Variants in DNM2 observed in about 807,000 individuals in gnomAD.
DNM2 encodes dynamin-2.
Under a neutral mutation model 99.0 loss-of-function variants are expected in DNM2, and 15 were observed. The ratio of observed to expected loss-of-function variants is 0.15; its 90% CI spans 0.10 to 0.23. The LOEUF (loss-of-function observed/expected upper bound fraction) is 0.23. Ranked by LOEUF, DNM2 falls within the 10% of genes least tolerant of loss-of-function variation. The pLI, the probability that DNM2 is intolerant of heterozygous loss-of-function variation, is 1.00. For missense variants in DNM2, 742 were observed against 1,189.4 expected (o/e 0.62, Z 5.53); for synonymous variants, 525 against 481.2 (o/e 1.09, Z -1.19).
intron 11 of DNM2, among the ~76,000 whole-genome samples, chr19:10,799,304 G>A (rs2072048470): frequency 2.0e-5 from 3 of 152,100 alleles, no homozygotes; most frequent in African/African-American, 7.2e-5. Flanking sequence ...TCCTTCAAGT[G>A]GACTCCCACA....
chr19:10,780,552 C>T (rs909979443), intron 5 of DNM2, among the ~76,000 whole-genome samples: 30 of 152,122 alleles, frequency 2.0e-4, no homozygotes, highest in Non-Finnish European at 1.3e-4. Flanking sequence ...GGCCTGCTCC[C>T]GTTTTGTGAC....
intron 1 of DNM2, 28 bp downstream of exon 1, chr19:10,718,431 C>A (rs574562384): frequency 1.4e-6 from 2 of 1,419,640 alleles, no homozygotes; most frequent in African/African-American, 2.9e-5. Flanking sequence ...GGATCGCGGG[C>A]GGGTGGCGGC....
rs750057493 is a variant in DNM2 at position 10,811,793 on chromosome 19, G to C, written c.1558-471G>C. The C allele has an allele frequency of 9.6e-6, 5 of 518,266 alleles. No individual in the cohort carries two copies. The highest frequency in any genetic ancestry group is 4.2e-5 in the South Asian group (3 of 71,426). The allele number at this position is 518,266 out of a possible 1,614,324, so 32.1% of individuals were successfully genotyped here. A position where few individuals can be genotyped will look rare whatever the true frequency, so the allele number is the denominator to read the frequency against. Reference sequence around the variant, plus strand: ...TGTCAGTCAAAAGGATGACCACCAGGCTTGCAGCCAGCTTGGGACATGAGC... The same window carrying C: ...TGTCAGTCAAAAGGATGACCACCAGCCTTGCAGCCAGCTTGGGACATGAGC... On this transcript the variant is annotated intron_variant, in intron 14 of 20. Transcript: ENST00000389253. This position sits in a 1 kb window ranked among gnomAD's most constrained non-coding sequence, Gnocchi z 5.4.
At chr19:10,767,146 T>C (rs1277219264) in intron 2 of DNM2, among the ~76,000 whole-genome samples, 1 of 151,810 alleles carries the variant, frequency 6.6e-6, no homozygotes, top group Non-Finnish European at 1.5e-5. Flanking sequence ...CCTCGGCTGC[T>C]GCTGCTGTGG....
At chr19:10,807,310 A>C (rs1201755284) in intron 13 of DNM2, among the ~76,000 whole-genome samples, 2 of 151,676 alleles carry the variant, frequency 1.3e-5, no homozygotes, top group Non-Finnish European at 2.9e-5. Context: ...GCACGATTTC[A>C]GCTCACTGCA....
Position 10,774,519 on chromosome 19 carries a change from C to G in DNM2, c.386-1184C>G, listed in dbSNP as rs183639976. 3.2e-3 allele frequency among the ~76,000 whole-genome samples: 487 copies of G among 152,142 alleles called. 1 individual carries two copies. Among genetic ancestry groups the G allele is most frequent in the African/African-American group, 0.011 (472 of 41,516 alleles). On this transcript the variant is annotated intron_variant, in intron 3 of 20. Transcript: ENST00000389253. ...TTGGCTTACCGCAACCTCCACCTCC[C>G]GGGTTCAAGTGATTCTCCTGCCTCA...
At chr19:10,773,648 A>G (rs1288121915) in intron 3 of DNM2, among the ~76,000 whole-genome samples, 1 of 150,304 alleles carries the variant, frequency 6.7e-6, no homozygotes, top group Non-Finnish European at 1.5e-5. Context: ...TTTTATTTTT[A>G]GTAGAGACGG....
intron 15 of DNM2, among the ~76,000 whole-genome samples, chr19:10,813,669 A>C (rs535269443): frequency 1.6e-4 from 24 of 151,764 alleles, no homozygotes; most frequent in Admixed American, 9.2e-4. Context: ...ATTAAAACCC[A>C]AAAAAAATTA....
In DNM2 at chr19:10,808,559, A is replaced by G; in HGVS notation, c.1546-10A>G. ...GATTTACCCACAACCCTAACTTTGC[A>G]TATTCAAAGGGGGAGATCCTGGTAA... On this transcript the variant is annotated splice_polypyrimidine_tract_variant and intron_variant, in intron 13 of 20. Coordinates refer to ENST00000389253, the MANE Select transcript of DNM2 (RefSeq NM_001005361.3). 1 of 1,611,960 alleles carries G rather than the reference A, an allele frequency of 6.2e-7. No individual in the cohort carries two copies. Among genetic ancestry groups the G allele is most frequent in the Non-Finnish European group, 8.5e-7 (1 of 1,179,184 alleles).
rs751197974 is a variant in DNM2, at chr19:10,797,330, C to A, written c.1197-50C>A. 15 of 1,607,184 alleles carry A rather than the reference C, an allele frequency of 9.3e-6. No homozygotes were observed. In the Admixed American group the frequency reaches 2.5e-4, roughly 27 times the overall value. Reference sequence around the variant, plus strand: ...TCTCCTGTCCTGCGTGTGTGGCCTGCACTGTCCCTGGGTGTCTTTCTGCCT... The same window carrying A: ...TCTCCTGTCCTGCGTGTGTGGCCTGAACTGTCCCTGGGTGTCTTTCTGCCT... On this transcript the variant is annotated intron_variant, in intron 9 of 20. Transcript: ENST00000389253.
chr19:10,813,298 G>C (rs924087346), intron 15 of DNM2, among the ~76,000 whole-genome samples: 3 of 152,228 alleles, frequency 2.0e-5, no homozygotes, highest in Non-Finnish European at 2.9e-5. Flanking sequence ...CAGGCCTTGA[G>C]CAAGGATACT....
chr19:10,801,174 C>T (rs1375712644), intron 11 of DNM2, among the ~76,000 whole-genome samples: 3 of 151,962 alleles, frequency 2.0e-5, no homozygotes, highest in Non-Finnish European at 4.4e-5. Context: ...GGTGGTGTGG[C>T]GTGCGCCTGT....
In DNM2 at chr19:10,767,267, C is replaced by T. The variant is rs551650045; in HGVS notation, c.236-5212C>T. 4.3e-4 allele frequency among the ~76,000 whole-genome samples: 65 copies of T among 151,974 alleles called. 1 individual carries two copies. The highest frequency in any genetic ancestry group is 1.5e-3 in the African/African-American group (62 of 41,478). On this transcript the variant is annotated intron_variant, in intron 2 of 20. Transcript: ENST00000389253. ...ATCTCCAGCACTTGAGCGCATGCAG[C>T]GTTCCAGAGGCCCAGGCTAGGCCCT...
chr19:10,822,230 C>T (rs1367317136), intron 16 of DNM2, among the ~76,000 whole-genome samples: 1 of 150,538 alleles, frequency 6.6e-6, no homozygotes, highest in African/African-American at 2.4e-5. Flanking sequence ...CTGTCACCCA[C>T]CCAGGCTGGA....
intron 9 of DNM2, among the ~76,000 whole-genome samples, chr19:10,797,149 A>G (rs2071963847): frequency 6.6e-6 from 1 of 150,870 alleles, no homozygotes. Flanking sequence ...TGCAATGACA[A>G]CCCCCCGTGG....
intron 12 of DNM2, chr19:10,803,647 A>G (rs921011685): frequency 4.1e-6 from 4 of 986,144 alleles, no homozygotes; most frequent in Non-Finnish European, 4.8e-6. Flanking sequence ...AGCTGTTACT[A>G]TACTGAGCAG....
intron 1 of DNM2, among the ~76,000 whole-genome samples, chr19:10,758,415 TTCCCTCCCTCCTTCCC>T (rs1363746073): frequency 0.012 from 827 of 70,704 alleles, 47 homozygotes; most frequent in Non-Finnish European, 0.018. Flanking sequence ...CCCTCCTTCC[TTCCCTCCCTCCTTCCC>T]TCCCTCCCTC....
chr19:10,746,729 TTTTTG>T (rs1352228219), intron 1 of DNM2, among the ~76,000 whole-genome samples: 2 of 117,172 alleles, frequency 1.7e-5, no homozygotes, highest in African/African-American at 3.7e-5. Flanking sequence ...TTTTTTTTGT[TTTTTG>T]TTTTTTTTTT....
chr19:10,774,088 C>G (rs770543414), intron 3 of DNM2, among the ~76,000 whole-genome samples: 3 of 152,206 alleles, frequency 2.0e-5, no homozygotes, highest in Admixed American at 2.0e-4. Flanking sequence ...AAAGGTATAT[C>G]GCAAAAACCT....
Sources: gnomAD v4.1 joint callset for allele counts (sites outside exome capture counted in the v4.1 genomes callset) on GRCh38, gnomAD v4.1.1 for gene constraint, Gnocchi (gnomAD v3.1) non-coding constraint, MANE v1.5 for transcripts, NCBI Gene and HGNC (gene_info 2026-07-23, HGNC 2026-07-21) for gene names.